Variants in ANO4 observed in about 807,000 individuals in gnomAD.
ANO4 encodes the protein anoctamin-4.
Under a neutral mutation model 141.9 loss-of-function variants are expected in ANO4, and 69 were observed. The ratio of observed to expected loss-of-function variants is 0.49; its 90% CI spans 0.40 to 0.59. ANO4 has a LOEUF of 0.59. Ranked by LOEUF, ANO4 falls within the 20% of genes least tolerant of loss-of-function variation. ANO4 has a pLI of 0.00. For synonymous variants in ANO4, 350 were observed against 394.3 expected, an observed-to-expected ratio of 0.89 and a Z score of 1.33; for missense variants, 894 against 1,162.2, an observed-to-expected ratio of 0.77 and a Z score of 3.36.
intron 8 of ANO4, among the ~76,000 whole-genome samples, chr12:101,011,777 C>T (rs2046104919): frequency 6.6e-6 from 1 of 152,178 alleles, no homozygotes; most frequent in South Asian, 2.1e-4. Context: ...CTGTTTCCTA[C>T]TTTGCCACAT....
chr12:100,838,564 A>G (rs17481327), intron 1 of ANO4, among the ~76,000 whole-genome samples: 19,122 of 152,210 alleles, frequency 0.13, 1,276 homozygotes, highest in South Asian at 0.17. Flanking sequence ...AGCTTGATCA[A>G]AAATGTGCTG....
rs557381953 is a variant in ANO4, at chr12:100,811,455, A to G, written c.-141+16428A>G. Among the ~76,000 whole-genome samples, 146 of 152,276 alleles carry G rather than the reference A, an allele frequency of 9.6e-4. 1 individual carries two copies. The highest frequency in any genetic ancestry group is 3.4e-3 in the African/African-American group (142 of 41,564). ...TTATATAATGAAACTGACATTTGTA[A>G]AAGTTTTTTATGGCTCCCAGCCAGG... On this transcript the variant is annotated intron_variant, in intron 1 of 27. Transcript: ENST00000392977.
At chr12:100,849,484 CAT>C (rs1482932185) in intron 1 of ANO4, among the ~76,000 whole-genome samples, 1 of 152,150 alleles carries the variant, frequency 6.6e-6, no homozygotes, top group African/African-American at 2.4e-5. Flanking sequence ...CGAATGGTAA[CAT>C]AGGCTGCAGG....
intron 1 of ANO4, among the ~76,000 whole-genome samples, chr12:100,805,672 C>T (rs1436341370): frequency 6.6e-6 from 1 of 152,138 alleles, no homozygotes; most frequent in Non-Finnish European, 1.5e-5. Context: ...AGTGGTCCTT[C>T]ACTTCCCTTG....
chr12:101,021,985 T>C (rs1380605815), intron 9 of ANO4, among the ~76,000 whole-genome samples: 1 of 150,400 alleles, frequency 6.6e-6, no homozygotes, highest in Non-Finnish European at 1.5e-5. Flanking sequence ...GAGGAACAGA[T>C]TTGAGAGTTG....
chr12:101,069,770 G>A (rs1379548461), intron 14 of ANO4, among the ~76,000 whole-genome samples: 2 of 152,036 alleles, frequency 1.3e-5, no homozygotes, highest in African/African-American at 4.8e-5. Flanking sequence ...TGTACTCTTG[G>A]CACCTCCTTT....
intron 4 of ANO4, among the ~76,000 whole-genome samples, chr12:100,941,334 C>G (rs1274256278): frequency 6.6e-6 from 1 of 151,958 alleles, no homozygotes; most frequent in African/African-American, 2.4e-5. Context: ...GTGTTTTATT[C>G]TCTTGCTCTA....
chr12:100,721,215 G>A (rs2030849922), intron 1 of ANO4, among the ~76,000 whole-genome samples: 1 of 152,198 alleles, frequency 6.6e-6, no homozygotes, highest in South Asian at 2.1e-4. Flanking sequence ...TTTCTATAGA[G>A]TATCTCCAAC....
At chr12:100,761,775 A>G (rs891814319) in intron 3 of ANO4, among the ~76,000 whole-genome samples, 1 of 152,182 alleles carries the variant, frequency 6.6e-6, no homozygotes, top group Admixed American at 6.5e-5. Flanking sequence ...CCCTGCAAGC[A>G]AGACTTCCTA....
chr12:100,861,131 CTGAT>C (rs1268958980), intron 1 of ANO4, among the ~76,000 whole-genome samples: 1 of 152,172 alleles, frequency 6.6e-6, no homozygotes, highest in Non-Finnish European at 1.5e-5. Flanking sequence ...TTAGAGAGCA[CTGAT>C]TGGTTGATTT....
intron 1 of ANO4, 90 bp downstream of exon 1, chr12:100,795,117 C>T (rs1278073379): frequency 6.5e-6 from 1 of 152,768 alleles, no homozygotes; most frequent in Non-Finnish European, 1.5e-5. Context: ...AGTGACCTTC[C>T]TTCTGCATTT....
At chr12:100,842,083 A>C in intron 1 of ANO4, 1 of 65,338 alleles carries the variant, frequency 1.5e-5, no homozygotes. Flanking sequence ...CCCCCACTGA[A>C]AGCCAAGGAC....
chr12:100,784,831 G>A (rs1051955449), intron 3 of ANO4, among the ~76,000 whole-genome samples: 2 of 152,200 alleles, frequency 1.3e-5, no homozygotes, highest in African/African-American at 4.8e-5. Context: ...ATTCAGTGCT[G>A]TAAAAGCAGG....
At position 100,942,439 on chromosome 12, in the gene ANO4, C is replaced by G. The variant is rs781715300; in HGVS notation, c.360C>G (p.Asp120Glu). 1.2e-6 allele frequency: 2 copies of G among 1,613,984 alleles called. No individual in the cohort carries two copies. The highest frequency in any genetic ancestry group is 8.5e-7 in the Non-Finnish European group (1 of 1,179,964). Residue 120 changes from aspartate (D) to glutamate (E), a missense_variant, in exon 5 of 28, where the codon GAC becomes GAG. Coordinates refer to ENST00000392977, the MANE Select transcript of ANO4 (RefSeq NM_001286615.2). ...TTCGAGATGGAAAGTGTCGAATTGA[C>G]TACATCCTTGTGTACAGAAAATCCA... ...LYFRDGKCRI[D>E]YILVYRKSNP... is the part of the protein sequence containing the mutation.
At chr12:100,838,236 A>C (rs1224263478) in intron 1 of ANO4, among the ~76,000 whole-genome samples, 1 of 151,566 alleles carries the variant, frequency 6.6e-6, no homozygotes, top group Non-Finnish European at 1.5e-5. Flanking sequence ...TCTCAAAAAA[A>C]AAAAAAAAAA....
chr12:100,864,612 A>T (rs2135902750), intron 1 of ANO4, among the ~76,000 whole-genome samples: 1 of 152,216 alleles, frequency 6.6e-6, no homozygotes, highest in African/African-American at 2.4e-5. Context: ...ACCTTTCATC[A>T]TAAGCCCTGC....
Position 101,086,666 on chromosome 12 carries a change from G to GT in ANO4, c.1544dup (p.Val516GlyfsTer23). ...TGTCTTGTCTTCCTGCCAGATCTGCGTGGTGATTGCTGCCGTGTTCGGGAT... is the reference window on the plus strand; with the variant it reads ...TGTCTTGTCTTCCTGCCAGATCTGCGTTGGTGATTGCTGCCGTGTTCGGGAT... On this transcript the variant is annotated frameshift_variant, in exon 17 of 28. Transcript: ENST00000392977. LOFTEE classifies it high-confidence loss of function. 1 of 1,613,516 alleles carries GT rather than the reference G, an allele frequency of 6.2e-7. No homozygotes were observed. The highest frequency in any genetic ancestry group is 8.5e-7 in the Non-Finnish European group (1 of 1,179,748).
chr12:100,778,045 G>A (rs953660259), intron 3 of ANO4, among the ~76,000 whole-genome samples: 4 of 150,804 alleles, frequency 2.7e-5, no homozygotes, highest in Non-Finnish European at 4.4e-5. Flanking sequence ...TCAGCCTCCC[G>A]AGTAGCTGGG....
chr12:100,944,583 G>T (rs2042647084), intron 5 of ANO4, among the ~76,000 whole-genome samples: 1 of 151,398 alleles, frequency 6.6e-6, no homozygotes, highest in Admixed American at 6.6e-5. Flanking sequence ...CAAACAGTTA[G>T]GTCTTCCCCT....
Sources: gnomAD v4.1 joint callset for allele counts (sites outside exome capture counted in the v4.1 genomes callset) on GRCh38, gnomAD v4.1.1 for gene constraint, MANE v1.5 for transcripts, NCBI Gene and HGNC (gene_info 2026-07-23, HGNC 2026-07-21) for gene names.